Variants in OR3A2 observed in about 807,000 individuals in gnomAD.
OR3A2 encodes olfactory receptor family 3 subfamily A member 2.
For missense variants in OR3A2, 318 were observed against 392.8 expected (o/e 0.81, Z 1.61); for synonymous variants, 126 against 159.3 (o/e 0.79, Z 1.57).
chr17:3,371,244 G>A (rs899162704), intron 2 of OR3A2, among the ~76,000 whole-genome samples: 2 of 151,468 alleles, frequency 1.3e-5, no homozygotes, highest in African/African-American at 2.4e-5. Context: ...CCAGGCGAGG[G>A]GCTGACCTCC....
chr17:3,286,090 G>C (rs1266500584), upstream of OR3A2, among the ~76,000 whole-genome samples: 1 of 151,092 alleles, frequency 6.6e-6, no homozygotes, highest in East Asian at 1.9e-4. Context: ...AAGAGGCCCT[G>C]GTGTGTGGTC....
intron 3 of OR3A2, among the ~76,000 whole-genome samples, chr17:3,302,663 C>G (rs1159626378): frequency 6.6e-6 from 1 of 152,164 alleles, no homozygotes; most frequent in Non-Finnish European, 1.5e-5. Context: ...TAATTAGAGA[C>G]CCAAAAGAAA....
chr17:3,314,683 T>C (rs2150632610), intron 3 of OR3A2, among the ~76,000 whole-genome samples: 1 of 152,340 alleles, frequency 6.6e-6, no homozygotes, highest in South Asian at 2.1e-4. Context: ...AAAAATTAAA[T>C]ACATATATTT....
intron 2 of OR3A2, among the ~76,000 whole-genome samples, chr17:3,340,526 T>C (rs1439116757): frequency 1.3e-5 from 2 of 152,154 alleles, no homozygotes; most frequent in South Asian, 2.1e-4. Context: ...TCATGATTTA[T>C]CCAGTAGTCA....
chr17:3,295,535 T>C (rs1393536774), intron 3 of OR3A2, among the ~76,000 whole-genome samples: 9 of 152,032 alleles, frequency 5.9e-5, no homozygotes, highest in African/African-American at 1.9e-4. Context: ...TGAAAGGCTA[T>C]TTCAAAACAA....
At chr17:3,310,303 A>C (rs182751184) in intron 3 of OR3A2, 208 of 530,032 alleles carry the variant, frequency 3.9e-4, no homozygotes, top group Non-Finnish European at 6.4e-4. Flanking sequence ...TGCTAGTGGA[A>C]GACAGCCATG....
chr17:3,341,610 G>A (rs1344639473), intron 2 of OR3A2, among the ~76,000 whole-genome samples: 2 of 152,176 alleles, frequency 1.3e-5, no homozygotes, highest in African/African-American at 4.8e-5. Flanking sequence ...CTTCTGGCTT[G>A]TAGAGTTTCT....
chr17:3,375,138 C>CTTTTT, intron 2 of OR3A2, among the ~76,000 whole-genome samples: 1 of 36,294 alleles, frequency 2.8e-5, no homozygotes, highest in Non-Finnish European at 6.0e-5. Flanking sequence ...GAGCCTTCTT[C>CTTTTT]CTTTTTTTTT....
chr17:3,347,991 G>A (rs1411590165), intron 2 of OR3A2, among the ~76,000 whole-genome samples: 27 of 152,120 alleles, frequency 1.8e-4, no homozygotes, highest in African/African-American at 6.3e-4. Flanking sequence ...TTCTCTGATG[G>A]CCAGTGATGG....
intron 2 of OR3A2, among the ~76,000 whole-genome samples, chr17:3,372,511 C>T (rs1300665266): frequency 1.3e-5 from 2 of 151,950 alleles, no homozygotes; most frequent in Non-Finnish European, 2.9e-5. Flanking sequence ...GAGATCACGC[C>T]ACTGCACTCC....
Position 3,278,450 on chromosome 17 carries a change from G to A in OR3A2, c.468C>T (p.Phe156=), listed in dbSNP as rs781731890. The change falls in exon 2 of 2, where the codon TTC becomes TTT. Residue 156 remains phenylalanine, a synonymous_variant. Coordinates refer to ENST00000642052, the Ensembl canonical transcript of OR3A2. Reference sequence around the variant, plus strand: ...CCACAGTGTGGGTCAGTGCGTTGGTGAAGGCACAAGCCAAGGACGCAGCCA... The same window carrying A: ...CCACAGTGTGGGTCAGTGCGTTGGTAAAGGCACAAGCCAAGGACGCAGCCA... 1.5e-5 allele frequency: 25 copies of A among 1,614,198 alleles called. No individual in the cohort carries two copies. The South Asian group carries it at 2.7e-4, about 18-fold the overall frequency.
chr17:3,301,797 T>A (rs2048968155), intron 3 of OR3A2, among the ~76,000 whole-genome samples: 1 of 152,224 alleles, frequency 6.6e-6, no homozygotes, highest in Non-Finnish European at 1.5e-5. Context: ...TTGTCTAGGT[T>A]TTCTTCTAGG....
chr17:3,292,246 C>G, intron 3 of OR3A2: 1 of 1,614,162 alleles, frequency 6.2e-7, no homozygotes, highest in Non-Finnish European at 8.5e-7. Context: ...AAGCAGTCCA[C>G]TCCAACGAAC....
intron 2 of OR3A2, among the ~76,000 whole-genome samples, chr17:3,347,189 CAAT>C (rs1175749605): frequency 6.6e-6 from 1 of 152,072 alleles, no homozygotes; most frequent in East Asian, 1.9e-4. Context: ...CTCCACAACT[CAAT>C]GATGTTGAGT....
At chr17:3,348,820 A>C (rs2049393268) in intron 2 of OR3A2, among the ~76,000 whole-genome samples, 1 of 152,214 alleles carries the variant, frequency 6.6e-6, no homozygotes, top group Admixed American at 6.5e-5. Context: ...CCATCAGATT[A>C]ACAGCAGATC....
At position 3,372,121 on chromosome 17, in the gene OR3A2, A is replaced by G. The variant is rs1215095940; in HGVS notation, c.-179+11683T>C. Among the ~76,000 whole-genome samples, 85 of 148,896 alleles carry G rather than the reference A, an allele frequency of 5.7e-4. 1 individual carries two copies. The highest frequency in any genetic ancestry group is 2.0e-3 in the African/African-American group (78 of 39,782). Reference sequence around the variant, plus strand: ...CTCTTCTCAGACGGGGCGGCCAGGCAGAGACGCTCCTCACCTCCCAGACAG... The same window carrying G: ...CTCTTCTCAGACGGGGCGGCCAGGCGGAGACGCTCCTCACCTCCCAGACAG... On this transcript the variant is annotated intron_variant, in intron 2 of 4. Transcript: ENST00000573491.
chr17:3,366,052 AGT>A (rs1005085479), intron 2 of OR3A2, among the ~76,000 whole-genome samples: 3 of 152,178 alleles, frequency 2.0e-5, no homozygotes, highest in African/African-American at 7.2e-5. Flanking sequence ...TTCACTCAAG[AGT>A]CAAAATACCA....
At chr17:3,293,525 T>G (rs17175052) in intron 3 of OR3A2, among the ~76,000 whole-genome samples, 9,893 of 152,218 alleles carry the variant, frequency 0.065, 467 homozygotes, top group Non-Finnish European at 0.1. Context: ...ATATCTAGTT[T>G]GGCAAAAACT....
upstream of OR3A2, among the ~76,000 whole-genome samples, chr17:3,286,522 A>G (rs1419309470): frequency 1.3e-5 from 2 of 152,056 alleles, no homozygotes; most frequent in Non-Finnish European, 2.9e-5. Flanking sequence ...ATTAGTTTAC[A>G]CTCCCACCAA....
Sources: gnomAD v4.1 joint callset for allele counts (sites outside exome capture counted in the v4.1 genomes callset) on GRCh38, gnomAD v4.1.1 for gene constraint, MANE v1.5 for transcripts, NCBI Gene and HGNC (gene_info 2026-07-23, HGNC 2026-07-21) for gene names.